MYH7B: variants seen among roughly 807,000 people sequenced by gnomAD.
MYH7B encodes the protein myosin-7B.
A neutral mutation model predicts 234.5 loss-of-function variants in MYH7B; 205 were observed. The observed-to-expected ratio is 0.87, with a 90% CI of 0.78 to 0.98. The LOEUF (loss-of-function observed/expected upper bound fraction) is 0.98, where lower values mean the gene tolerates loss of function less well. MYH7B is among the 50% of genes least tolerant of loss of function. The pLI is 0.00. For synonymous variants in MYH7B, 1,193 were observed against 1,105.0 expected (o/e 1.08, Z -1.58); for missense variants, 2,652 against 2,633.4 (o/e 1.01, Z -0.15).
Position 35,001,327 on chromosome 20 carries a change from G to GT in MYH7B, c.5559dup (p.Val1854CysfsTer37). The GT allele has an allele frequency of 2.5e-6, 4 of 1,610,954 alleles. No homozygotes were observed. The highest frequency in any genetic ancestry group is 3.4e-6 in the Non-Finnish European group (4 of 1,178,824). ...AAGGGCGTGCGCAAGCATGAGCGCC[G>GT]TGTCAAGGAGCTCGCATACCAGGTG... On this transcript the variant is annotated frameshift_variant, in exon 42 of 45. Transcript: ENST00000262873. LOFTEE classifies it high-confidence loss of function.
At chr20:34,959,459 A>G (rs2081670982) in intron 2 of MYH7B, among the ~76,000 whole-genome samples, 1 of 147,412 alleles carries the variant, frequency 6.8e-6, no homozygotes, top group Admixed American at 6.8e-5. Flanking sequence ...CACTTTCCTC[A>G]TTTTATTTTT....
In MYH7B at chr20:34,997,646, CG is replaced by C. The variant is rs762113687; in HGVS notation, c.3747+7del. On this transcript the variant is annotated splice_region_variant and intron_variant, in intron 32 of 44. Coordinates refer to ENST00000262873, the Ensembl canonical transcript of MYH7B. ...AGACTCTGACCCGCGCCAAGGTGTC[CG>C]TGCCTTCCTCACCCCATACCCACCC... 26 of 1,612,800 alleles carry C rather than the reference CG, an allele frequency of 1.6e-5. No homozygotes were observed. In the Admixed American group the frequency reaches 4.2e-4, roughly 26 times the overall value.
At chr20:34,991,274 G>A (rs2082144781) in intron 24 of MYH7B, among the ~76,000 whole-genome samples, 153 bp downstream of exon 24, 1 of 152,204 alleles carries the variant, frequency 6.6e-6, no homozygotes, top group Non-Finnish European at 1.5e-5. Flanking sequence ...AAGACATGGG[G>A]GTGGCTCAGA....
intron 3 of MYH7B, 64 bp downstream of exon 3, chr20:34,975,563 C>G (rs2081841262): frequency 2.8e-6 from 2 of 707,530 alleles, no homozygotes; most frequent in Non-Finnish European, 5.3e-6. Context: ...TAAGATCATT[C>G]ACTGCAGCCT....
intron 37 of MYH7B, 40 bp from the exon 38 acceptor site, chr20:34,999,750 TC>T (rs61644803): frequency 0.036 from 44,648 of 1,253,398 alleles, 12 homozygotes; most frequent in South Asian, 0.044. Context: ...CCACTGGCCA[TC>T]CCCCCCCCCC....
chr20:35,002,424 T>TTTAA (rs1330544493), exon 45 of MYH7B: 3 of 413,770 alleles, frequency 7.3e-6, no homozygotes, highest in South Asian at 1.0e-4. Context: ...AATAAAGTTA[T>TTTAA]TTAATAGTCT....
At chr20:34,996,824 A>G in intron 30 of MYH7B, 66 bp downstream of exon 30, 1 of 1,561,008 alleles carries the variant, frequency 6.4e-7, no homozygotes, top group Non-Finnish European at 8.6e-7. Flanking sequence ...TCCCTTCTGG[A>G]TTCTTGTGGT....
rs777681035 is a variant in MYH7B, at chr20:35,001,299, C to T, written c.5530C>T (p.Leu1844Phe). ...AGAGCAGAAGAAGCACGCCGAGGCCCTTAAGGGCGTGCGCAAGCATGAGCG... is the reference window on the plus strand; with the variant it reads ...AGAGCAGAAGAAGCACGCCGAGGCCTTTAAGGGCGTGCGCAAGCATGAGCG... Residue 1844 changes from leucine (L) to phenylalanine (F), a missense_variant, in exon 42 of 45, where the codon CTT becomes TTT. Leu to Phe is a conservative substitution (Grantham distance 22). Transcript: ENST00000262873. 28 of 1,613,008 alleles carry T rather than the reference C, an allele frequency of 1.7e-5. No individual in the cohort carries two copies. The South Asian group carries it at 2.9e-4, about 16-fold the overall frequency.
chr20:34,991,124 G>A lies in MYH7B; in HGVS notation c.2183+3G>A, dbSNP rs762925383. The A allele has an allele frequency of 2.5e-6, 4 of 1,597,282 alleles. No homozygotes were observed. In the South Asian group the frequency reaches 3.4e-5, roughly 13 times the overall value. On this transcript the variant is annotated splice_donor_region_variant and intron_variant, in intron 24 of 44. Transcript: ENST00000262873. The stretch of plus-strand genomic sequence containing the variant: ...CTCTACACCGACTTCCGGCAGCGGT[G>A]GGTGACCCCTTCCCCCTGCCTGCTG...
chr20:34,955,992 C>G (rs1424385367), exon 1 of MYH7B: 1 of 152,222 alleles, frequency 6.6e-6, no homozygotes, highest in Non-Finnish European at 1.5e-5. Context: ...CCATCGGGGT[C>G]GGCGGGGAGC....
chr20:34,999,121 C>G lies in MYH7B; in HGVS notation c.4256C>G (p.Ser1419Ter). ...GTGGAGGCTGCCAACGCCAAGTGCTCATCGTTGGAGAAGGCCAAGCTGCGG... is the reference window on the plus strand; with the variant it reads ...GTGGAGGCTGCCAACGCCAAGTGCTGATCGTTGGAGAAGGCCAAGCTGCGG... The change falls in exon 36 of 45, where the codon TCA becomes TGA. Residue 1419 changes from serine (S) to a stop codon, truncating the protein, a stop_gained. Transcript: ENST00000262873. LOFTEE classifies it high-confidence loss of function. The G allele has an allele frequency of 1.2e-6, 2 of 1,613,620 alleles. No homozygotes were observed. Among genetic ancestry groups the G allele is most frequent in the Non-Finnish European group, 1.7e-6 (2 of 1,180,024 alleles).
intron 2 of MYH7B, among the ~76,000 whole-genome samples, chr20:34,969,252 G>C (rs1221663909): frequency 6.6e-6 from 1 of 152,222 alleles, no homozygotes; most frequent in Non-Finnish European, 1.5e-5. Flanking sequence ...CACTGGCACA[G>C]AGTAGGGGTT....
chr20:34,984,852 A>G lies in MYH7B; in HGVS notation c.649-2A>G. ...CAGACCCCCTCACCCCCACCGCCCC[A>G]GGGCACCCTTGAGGATCAAATCATC... On this transcript the variant is annotated splice_acceptor_variant, in intron 11 of 44. Transcript: ENST00000262873. LOFTEE classifies it high-confidence loss of function. 6.2e-7 allele frequency: 1 copy of G among 1,613,228 alleles called. No homozygotes were observed. The highest frequency in any genetic ancestry group is 8.5e-7 in the Non-Finnish European group (1 of 1,179,338).
intron 2 of MYH7B, among the ~76,000 whole-genome samples, chr20:34,975,168 G>A (rs547603591): frequency 6.6e-6 from 1 of 152,162 alleles, no homozygotes; most frequent in Admixed American, 6.5e-5. Context: ...TGGCCCGAAG[G>A]GGATAATTTT....
At chr20:34,956,196 C>T (rs2081631504) in intron 1 of MYH7B, among the ~76,000 whole-genome samples, 189 bp downstream of exon 1, 1 of 152,152 alleles carries the variant, frequency 6.6e-6, no homozygotes, top group Admixed American at 6.5e-5. Flanking sequence ...GTATTAGAAC[C>T]CAGGCTTGTT....
exon 4 of MYH7B, chr20:34,977,657 T>A: frequency 6.5e-7 from 1 of 1,537,220 alleles, no homozygotes; most frequent in Non-Finnish European, 8.8e-7. Flanking sequence ...TAGCAGAGCT[T>A]CCTGCCCTCA....
chr20:34,985,040 G>T (rs368939098), intron 12 of MYH7B, 26 bp from the exon 13 acceptor site: 10 of 1,613,906 alleles, frequency 6.2e-6, no homozygotes, highest in Non-Finnish European at 8.5e-6. Context: ...GTGCCCCTTG[G>T]CTGAGGGCTG....
intron 10 of MYH7B, 67 bp downstream of exon 10, chr20:34,982,622 C>CA: frequency 2.8e-6 from 3 of 1,061,744 alleles, no homozygotes; most frequent in Non-Finnish European, 2.6e-6. Flanking sequence ...TTCTTCCTCT[C>CA]TTTTTTTTTT....
At chr20:34,996,239 C>A in intron 28 of MYH7B, 107 bp from the exon 29 acceptor site, 1 of 1,311,352 alleles carries the variant, frequency 7.6e-7, no homozygotes, top group South Asian at 1.3e-5. Context: ...AAGTGACTTG[C>A]CTGAGTCCCA....
Sources: gnomAD v4.1 joint callset for allele counts (sites outside exome capture counted in the v4.1 genomes callset) on GRCh38, gnomAD v4.1.1 for gene constraint, MANE v1.5 for transcripts, NCBI Gene and HGNC (gene_info 2026-07-23, HGNC 2026-07-21) for gene names.